Variants in TPCN1 observed in about 807,000 individuals in gnomAD.
The protein encoded by TPCN1 is two pore channel protein 1.
A neutral mutation model predicts 108.8 loss-of-function variants in TPCN1; 52 were observed. The ratio of observed to expected loss-of-function variants is 0.48; its 90% CI spans 0.38 to 0.60. The LOEUF is 0.60. Ranked by LOEUF, TPCN1 falls within the 20% of genes least tolerant of loss-of-function variation. TPCN1 has a pLI of 0.00. For missense variants in TPCN1, 806 were observed against 1,072.8 expected (o/e 0.75, Z 3.47); for synonymous variants, 446 against 433.7 (o/e 1.03, Z -0.35).
chr12:113,277,884 G>T (rs1955727396), intron 12 of TPCN1, among the ~76,000 whole-genome samples: 1 of 152,190 alleles, frequency 6.6e-6, no homozygotes, highest in African/African-American at 2.4e-5. Context: ...AAAAAGTGAA[G>T]TTTCCGTCCT....
At chr12:113,249,808 T>C (rs1054348948) in intron 2 of TPCN1, 12 of 152,230 alleles carry the variant, frequency 7.9e-5, no homozygotes, top group African/African-American at 2.9e-4. Flanking sequence ...GTGCAGACCA[T>C]GTGGAATGAC....
intron 2 of TPCN1, among the ~76,000 whole-genome samples, chr12:113,238,166 C>T (rs918678282): frequency 1.3e-5 from 2 of 152,234 alleles, no homozygotes; most frequent in Non-Finnish European, 2.9e-5. Context: ...CTCATAGCCA[C>T]ACTTCCGGTA....
rs774095590 is a variant in TPCN1, at chr12:113,226,956, C to A, written c.104C>A (p.Pro35His). The A allele has an allele frequency of 6.2e-7, 1 of 1,612,772 alleles. No homozygotes were observed. The stretch of plus-strand genomic sequence containing the variant: ...AACGGCCTGGGCCAAGAAGAGCTAC[C>A]TAGCAAAAGTAAGATGGTGGGGTGG... ...PSNGLGQEEL[P>H]SKNGGSYAIH... Residue 35 changes from proline (P) to histidine (H), a missense_variant, in exon 2 of 28, where the codon CCT (proline) becomes CAT (histidine). Coordinates refer to ENST00000335509, the MANE Select transcript of TPCN1 (RefSeq NM_017901.6).
At chr12:113,275,731 C>T (rs1384607846) in intron 10 of TPCN1, among the ~76,000 whole-genome samples, 1 of 151,932 alleles carries the variant, frequency 6.6e-6, no homozygotes, top group Non-Finnish European at 1.5e-5. Context: ...CGCCACCACG[C>T]CCGGCTAATT....
At position 113,271,278 on chromosome 12, in the gene TPCN1, A is replaced by G. The variant is rs79928485; in HGVS notation, c.749-1380A>G. 5.9e-3 allele frequency among the ~76,000 whole-genome samples: 902 copies of G among 152,306 alleles called. 2 individuals are homozygous for G. The highest frequency in any genetic ancestry group is 8.7e-3 in the Non-Finnish European group (589 of 68,026). ...GGCAACAGAGCAAGACTCTGTCTCA[A>G]AAATAAATAAGTAATAATAACATGA... is the stretch of plus-strand genomic sequence containing the variant. On this transcript the variant is annotated intron_variant, in intron 7 of 27. Transcript: ENST00000335509.
In TPCN1 at chr12:113,268,299, G is replaced by T. The variant is rs767527791; in HGVS notation, c.528+343G>T. 4.6e-5 allele frequency among the ~76,000 whole-genome samples: 7 copies of T among 152,192 alleles called. No homozygotes were observed. The highest frequency in any genetic ancestry group is 1.4e-4 in the African/African-American group (6 of 41,430). Reference sequence around the variant, plus strand: ...CCGGCTCACCTGTCCCTAGTGTTGCGCATATTCTCTCTGTGCCACAGAGAG... The same window carrying T: ...CCGGCTCACCTGTCCCTAGTGTTGCTCATATTCTCTCTGTGCCACAGAGAG... On this transcript the variant is annotated intron_variant, in intron 5 of 27. Transcript: ENST00000335509. This position sits in a 1 kb window ranked among gnomAD's most constrained non-coding sequence, Gnocchi z 7.3.
At chr12:113,246,870 A>AG (rs1396054770) in intron 2 of TPCN1, among the ~76,000 whole-genome samples, 3 of 152,184 alleles carry the variant, frequency 2.0e-5, no homozygotes, top group Non-Finnish European at 4.4e-5. Context: ...ACACAGAGGA[A>AG]GGGGCTGGAC....
chr12:113,236,193 G>T (rs1953885994), intron 2 of TPCN1, among the ~76,000 whole-genome samples: 1 of 152,206 alleles, frequency 6.6e-6, no homozygotes, highest in Non-Finnish European at 1.5e-5. Context: ...AGACCGGGCA[G>T]TGTGGAGGTG....
rs2136656912 is a variant in TPCN1 at position 113,273,994 on chromosome 12, T to C, written c.942+326T>C. On this transcript the variant is annotated intron_variant, in intron 10 of 27. Coordinates refer to ENST00000335509, the MANE Select transcript of TPCN1 (RefSeq NM_017901.6). This position sits in a 1 kb window ranked among gnomAD's most constrained non-coding sequence, Gnocchi z 4.0. Reference sequence around the variant, plus strand: ...GTTGACCCTCGGTGTCCACAGGGATTGTTTGCAGGACCCCCTGTAGGTACA... The same window carrying C: ...GTTGACCCTCGGTGTCCACAGGGATCGTTTGCAGGACCCCCTGTAGGTACA... Among the ~76,000 whole-genome samples the C allele has an allele frequency of 6.6e-6, 1 of 152,312 alleles. No homozygotes were observed. Among genetic ancestry groups the C allele is most frequent in the Middle Eastern group, 3.4e-3 (1 of 294 alleles).
intron 2 of TPCN1, among the ~76,000 whole-genome samples, chr12:113,238,184 A>G (rs536598989): frequency 2.0e-5 from 3 of 152,320 alleles, no homozygotes; most frequent in South Asian, 4.1e-4. Context: ...GTATTGAGGA[A>G]TTGGCATCTT....
At chr12:113,276,821 G>A in intron 10 of TPCN1, 98 bp from the exon 11 acceptor site, 1 of 820,962 alleles carries the variant, frequency 1.2e-6, no homozygotes, top group Middle Eastern at 3.2e-4. Flanking sequence ...GGGTGACTGG[G>A]TAAGAGCCTT....
At position 113,231,018 on chromosome 12, in the gene TPCN1, AGTACTAAGGAGTTGGCAGAATGCAGATG is replaced by A. The variant is rs1399834335; in HGVS notation, c.112+4055_112+4082del. Among the ~76,000 whole-genome samples, 3 of 152,198 alleles carry A rather than the reference AGTACTAAGGAGTTGGCAGAATGCAGATG, an allele frequency of 2.0e-5. No homozygotes were observed. Among genetic ancestry groups the A allele is most frequent in the Non-Finnish European group, 4.4e-5 (3 of 68,044 alleles). On this transcript the variant is annotated intron_variant, in intron 2 of 27. Coordinates refer to ENST00000335509, the MANE Select transcript of TPCN1 (RefSeq NM_017901.6). This position sits in a 1 kb window ranked among gnomAD's most constrained non-coding sequence, Gnocchi z 4.3. The stretch of plus-strand genomic sequence containing the variant: ...GTCTTTGGTTGCTGTAAACCTTTGA[AGTACTAAGGAGTTGGCAGAATGCAGATG>A]CAGGCCATCCGCGGAGTTGGCAACG...
chr12:113,225,168 C>T, intron 1 of TPCN1: 1 of 434,300 alleles, frequency 2.3e-6, no homozygotes, highest in South Asian at 1.7e-5. Context: ...GTTTCCGTCA[C>T]CTCAGCCTCC....
Position 113,273,800 on chromosome 12 carries a change from A to T in TPCN1, c.942+132A>T. On this transcript the variant is annotated intron_variant, in intron 10 of 27. Transcript: ENST00000335509. The surrounding 1 kb of genome is among the most constrained non-coding windows in gnomAD (Gnocchi z 4.0). ...AGAACGTTGGGGCAGGAAGTCCCAG[A>T]TTCATAGTCAGGTGCGGTGTTGCAG... The T allele has an allele frequency of 1.2e-6, 1 of 805,616 alleles. No homozygotes were observed. Among genetic ancestry groups the T allele is most frequent in the Admixed American group, 1.8e-5 (1 of 55,450 alleles). 49.9% of individuals were successfully genotyped at this position (805,616 alleles called of 1,614,324 possible). A position where few individuals can be genotyped will look rare whatever the true frequency, so the allele number is the denominator to read the frequency against.
chr12:113,251,152 T>C (rs1468428877), intron 2 of TPCN1, among the ~76,000 whole-genome samples: 1 of 148,284 alleles, frequency 6.7e-6, no homozygotes, highest in Non-Finnish European at 1.5e-5. Flanking sequence ...AAAAAAAAAA[T>C]TAGCTGGGCA....
chr12:113,282,480 T>A (rs1174703802), intron 15 of TPCN1, among the ~76,000 whole-genome samples: 1 of 151,886 alleles, frequency 6.6e-6, no homozygotes, highest in Non-Finnish European at 1.5e-5. Context: ...CCGGGCATGG[T>A]GGCTCAGACC....
chr12:113,287,255 C>T (rs555662755), intron 19 of TPCN1, 161 bp downstream of exon 19: 7 of 628,974 alleles, frequency 1.1e-5, no homozygotes, highest in Non-Finnish European at 1.9e-5. Context: ...CATCCCCACC[C>T]CTGAGGGTGT....
intron 2 of TPCN1, among the ~76,000 whole-genome samples, chr12:113,241,767 T>TGG (rs1467034668): frequency 6.8e-6 from 1 of 147,084 alleles, no homozygotes; most frequent in Non-Finnish European, 1.5e-5. Context: ...TCTGCGTGTG[T>TGG]GTGTGTGTGT....
rs751706008 is a variant in TPCN1 at position 113,285,905 on chromosome 12, G to A, written c.1470G>A (p.Leu490=). The stretch of plus-strand genomic sequence containing the variant: ...TGTCCACAGTCTATGGGGTGGAGCT[G>A]TTCCTGAAGGTTGCCGGCCTGGGCC... ...LVFLTIYGVE[L]FLKVAGLGPV... Residue 490 remains leucine, a synonymous_variant, in exon 18 of 28, where the codon CTG becomes CTA. Coordinates refer to ENST00000335509, the MANE Select transcript of TPCN1 (RefSeq NM_017901.6). 4.3e-6 allele frequency: 7 copies of A among 1,614,168 alleles called. No homozygotes were observed. In the South Asian group the frequency reaches 7.7e-5, roughly 18 times the overall value.
Sources: gnomAD v4.1 joint callset for allele counts (sites outside exome capture counted in the v4.1 genomes callset) on GRCh38, gnomAD v4.1.1 for gene constraint, Gnocchi (gnomAD v3.1) non-coding constraint, MANE v1.5 for transcripts, NCBI Gene and HGNC (gene_info 2026-07-23, HGNC 2026-07-21) for gene names.